The following UCHL5 variants were observed in gnomAD, a reference collection of about 807,000 sequenced individuals.
The protein encoded by UCHL5 is ubiquitin C-terminal hydrolase L5.
UCHL5 carries 34 observed loss-of-function variants against 53.8 expected under a neutral mutation model. That is an observed-to-expected ratio of 0.63 (90% CI 0.48 to 0.84). UCHL5 has a LOEUF of 0.84. UCHL5 is among the 40% of genes least tolerant of loss of function. The probability of loss-of-function intolerance (pLI) is 0.00; values close to 1 mark genes in which losing one functional copy is unlikely to be tolerated. For missense variants in UCHL5, 290 were observed against 385.6 expected, an observed-to-expected ratio of 0.75 and a Z score of 2.08; for synonymous variants, 111 against 126.3, an observed-to-expected ratio of 0.88 and a Z score of 0.81.
In UCHL5 at chr1:193,012,552, T is replaced by C. The variant is rs1411432655; in HGVS notation, c.*3799A>G. On this transcript the variant is annotated 3_prime_UTR_variant, in exon 11 of 11. Transcript: ENST00000367454. ...AGTTCAGTACTAGAGAAGTTCTGCC[T>C]ATATGCCTATATGCAATCCACTTGT... 2 of 152,186 alleles carry C rather than the reference T, an allele frequency of 1.3e-5. No homozygotes were observed. The highest frequency in any genetic ancestry group is 2.9e-5 in the Non-Finnish European group (2 of 68,040). The allele number at this position is 152,186 out of a possible 1,614,324, so 9.4% of individuals were successfully genotyped here.
intron 3 of UCHL5, among the ~76,000 whole-genome samples, chr1:193,041,924 G>A (rs1226448197): frequency 1.3e-5 from 2 of 152,066 alleles, no homozygotes; most frequent in East Asian, 3.9e-4. Flanking sequence ...AGGAGTTAGA[G>A]ACCAGCCTGA....
chr1:193,021,876 T>C (rs1053136575), intron 9 of UCHL5, among the ~76,000 whole-genome samples: 1 of 152,218 alleles, frequency 6.6e-6, no homozygotes, highest in African/African-American at 2.4e-5. Context: ...GTTTGTTTTA[T>C]AGCAGTATGA....
At chr1:193,044,296 C>T (rs973135286) in intron 3 of UCHL5, among the ~76,000 whole-genome samples, 3 of 152,170 alleles carry the variant, frequency 2.0e-5, no homozygotes, top group African/African-American at 7.2e-5. Flanking sequence ...GTATCTGGCA[C>T]ATTGTAGGTA....
intron 10 of UCHL5, chr1:193,020,426 AT>A: frequency 6.5e-7 from 1 of 1,545,600 alleles, no homozygotes; most frequent in Non-Finnish European, 8.7e-7. Context: ...TGGGGAACTT[AT>A]TAAAGAATCC....
At chr1:193,054,136 A>G (rs772381216) in intron 1 of UCHL5, among the ~76,000 whole-genome samples, 1 of 152,196 alleles carries the variant, frequency 6.6e-6, no homozygotes, top group Non-Finnish European at 1.5e-5. Context: ...TGCTAACGTT[A>G]AAATGCTTTG....
chr1:193,019,057 T>C (rs1655940094), intron 10 of UCHL5, among the ~76,000 whole-genome samples: 1 of 151,550 alleles, frequency 6.6e-6, no homozygotes, highest in South Asian at 2.1e-4. Context: ...CAAAATAAGA[T>C]GAACAAAAAT....
intron 3 of UCHL5, among the ~76,000 whole-genome samples, chr1:193,040,786 T>C (rs755992111): frequency 1.1e-4 from 16 of 152,194 alleles, no homozygotes; most frequent in Admixed American, 2.6e-4. Flanking sequence ...ATGTAGTATA[T>C]ACATACAATG....
Position 193,015,957 on chromosome 1 carries a change from G to A in UCHL5, c.*394C>T, listed in dbSNP as rs1332421501. On this transcript the variant is annotated 3_prime_UTR_variant, in exon 11 of 11. Transcript: ENST00000367454. The stretch of plus-strand genomic sequence containing the variant: ...AGATAGAAATACTGATTTTTTTTCC[G>A]TTAATGATGAGAAGAAATAAGACAA... The A allele has an allele frequency of 2.4e-5, 4 of 164,554 alleles. No homozygotes were observed. The highest frequency in any genetic ancestry group is 3.5e-4 in the East Asian group (2 of 5,776). 10.2% of individuals were successfully genotyped at this position (164,554 alleles called of 1,614,324 possible).
intron 3 of UCHL5, among the ~76,000 whole-genome samples, chr1:193,036,331 A>G (rs1663428284): frequency 6.7e-6 from 1 of 149,976 alleles, no homozygotes; most frequent in African/African-American, 2.4e-5. Context: ...AAAAAAAAAA[A>G]AAAAAAAAAA....
In UCHL5 at chr1:193,029,245, T is replaced by C. The variant is rs773702442; in HGVS notation, c.499A>G (p.Ser167Gly). 94 of 1,613,758 alleles carry C rather than the reference T, an allele frequency of 5.8e-5. No homozygotes were observed. Among genetic ancestry groups the C allele is most frequent in the Non-Finnish European group, 7.9e-5 (93 of 1,179,848 alleles). ...AGTCTCCCATTAACAGGAACATAAC[T>C]GACAAAGTGAAAAGCATCTTCTTCT... ...AKEEDAFHFV[S>G]YVPVNGRLYE... The change falls in exon 6 of 11, where the codon AGT becomes GGT. Residue 167 changes from serine (S) to glycine (G), a missense_variant. Physicochemically the swap from Ser to Gly is moderately conservative, Grantham distance 56. Coordinates refer to ENST00000367454, the MANE Select transcript of UCHL5 (RefSeq NM_001199261.3).
intron 1 of UCHL5, among the ~76,000 whole-genome samples, chr1:193,057,034 C>G (rs1670830867): frequency 6.6e-6 from 1 of 152,158 alleles, no homozygotes; most frequent in African/African-American, 2.4e-5. Context: ...ACAAACTTAC[C>G]TAGTACAACA....
chr1:193,013,714 C>T lies in UCHL5; in HGVS notation c.*2637G>A, dbSNP rs1013442340. The stretch of plus-strand genomic sequence containing the variant: ...ATCTAAATGCATCTTGAAATGTTAA[C>T]GTTACAGGCAACTAGGAGGATTAAT... On this transcript the variant is annotated 3_prime_UTR_variant, in exon 11 of 11. Coordinates refer to ENST00000367454, the MANE Select transcript of UCHL5 (RefSeq NM_001199261.3). The T allele has an allele frequency of 3.9e-5, 6 of 152,192 alleles. No homozygotes were observed. Among genetic ancestry groups the T allele is most frequent in the Admixed American group, 1.3e-4 (2 of 15,274 alleles). The allele number at this position is 152,192 out of a possible 1,614,324, so 9.4% of individuals were successfully genotyped here. A position where few individuals can be genotyped will look rare whatever the true frequency, so the allele number is the denominator to read the frequency against.
intron 2 of UCHL5, among the ~76,000 whole-genome samples, chr1:193,050,777 A>C (rs1668784074): frequency 6.6e-6 from 1 of 151,744 alleles, no homozygotes; most frequent in Non-Finnish European, 1.5e-5. Context: ...AAGGTTTCCT[A>C]TCTTTTTATT....
intron 3 of UCHL5, among the ~76,000 whole-genome samples, chr1:193,047,497 A>G (rs1003629390): frequency 2.0e-5 from 3 of 152,220 alleles, no homozygotes; most frequent in African/African-American, 7.2e-5. Context: ...GTCAGAGGAA[A>G]ATGGAAAGCA....
In UCHL5 at chr1:193,023,812, A is replaced by G. The variant is rs1233970872; in HGVS notation, c.732+32T>C. 3 of 1,510,596 alleles carry G rather than the reference A, an allele frequency of 2.0e-6. No individual in the cohort carries two copies. The East Asian group carries it at 6.8e-5, about 34-fold the overall frequency. The allele number at this position is 1,510,596 out of a possible 1,614,324, so 93.6% of individuals were successfully genotyped here. On this transcript the variant is annotated intron_variant, in intron 8 of 10. Transcript: ENST00000367454. ...CTTTTCCTGAGAGAATAACCAAGCT[A>G]GAACTTTGTACTTAGAAACATGGCC...
chr1:193,029,595 C>G lies in UCHL5; in HGVS notation c.309G>C (p.Gln103His), dbSNP rs767106872. ...ATAATGTCTCGCCTAAATGGACATC[C>G]TGGTGGGTACAGTTCAGTAACACAC... ...IVSVLLNCTH[Q>H]DVHLGETLSE... The change falls in exon 4 of 11, where the codon CAG becomes CAC. Residue 103 changes from glutamine (Q) to histidine (H), a missense_variant. Gln to His is a conservative substitution (Grantham distance 24, BLOSUM62 0). Transcript: ENST00000367454. The G allele has an allele frequency of 6.2e-7, 1 of 1,613,362 alleles. No homozygotes were observed. Among genetic ancestry groups the G allele is most frequent in the Admixed American group, 1.7e-5 (1 of 59,968 alleles).
upstream of UCHL5, chr1:193,059,759 G>T (rs1259973873): frequency 2.9e-6 from 4 of 1,356,078 alleles, no homozygotes; most frequent in Non-Finnish European, 3.9e-6. This position sits in a 1 kb window ranked among gnomAD's most constrained non-coding sequence, Gnocchi z 4.9. Flanking sequence ...GATCCAGGGG[G>T]TCGGCTGCCA....
chr1:193,043,175 A>AAAAAAAAAAAAAAAAAAAAAAG (rs1558123160), intron 3 of UCHL5, among the ~76,000 whole-genome samples: 1 of 147,840 alleles, frequency 6.8e-6, no homozygotes, highest in Non-Finnish European at 1.5e-5. Context: ...AAAAAAAAAA[A>AAAAAAAAAAAAAAAAAAAAAAG]ACCACCTATT....
intron 3 of UCHL5, among the ~76,000 whole-genome samples, chr1:193,033,773 T>C (rs1216146551): frequency 9.9e-5 from 15 of 152,090 alleles, no homozygotes; most frequent in Admixed American, 9.8e-4. Flanking sequence ...AAAAAATCAT[T>C]TTATACTGGA....
Sources: allele counts gnomAD v4.1 joint callset (sites outside exome capture counted in the v4.1 genomes callset), GRCh38; gene constraint gnomAD v4.1.1; non-coding constraint Gnocchi (gnomAD v3.1); transcripts MANE v1.5; gene names NCBI Gene and HGNC (gene_info 2026-07-23, HGNC 2026-07-21).